The following APBA1 variants were observed in gnomAD, a reference collection of about 807,000 sequenced individuals.
The protein encoded by APBA1 is amyloid beta precursor protein binding family A member 1, also known as amyloid-beta A4 precursor protein-binding family A member 1.
A neutral mutation model predicts 86.6 loss-of-function variants in APBA1; 55 were observed. The ratio of observed to expected loss-of-function variants is 0.64; its 90% CI spans 0.51 to 0.80. The LOEUF (loss-of-function observed/expected upper bound fraction) is 0.80. Ranked by LOEUF, APBA1 falls within the 30% of genes least tolerant of loss-of-function variation. The probability of loss-of-function intolerance (pLI) is 0.00; values close to 1 mark genes in which losing one functional copy is unlikely to be tolerated. For missense variants in APBA1, 1,090 were observed against 1,183.0 expected (o/e 0.92, Z 1.15); for synonymous variants, 511 against 493.9 (o/e 1.03, Z -0.46).
chr9:69,477,108 G>A lies in APBA1; in HGVS notation c.1201-965C>T, dbSNP rs559324620. 4.6e-5 allele frequency among the ~76,000 whole-genome samples: 7 copies of A among 152,308 alleles called. 1 individual carries two copies. The East Asian group carries it at 1.4e-3, about 30-fold the overall frequency. On this transcript the variant is annotated intron_variant, in intron 2 of 12. Transcript: ENST00000265381. ...GATGCTTAAGAATTCCACAGCAGGG[G>A]GCGGCGGAGCCAAGATGGCCGAATA...
chr9:69,589,465 T>C (rs1176209940), intron 1 of APBA1, among the ~76,000 whole-genome samples: 1 of 152,158 alleles, frequency 6.6e-6, no homozygotes, highest in African/African-American at 2.4e-5. Context: ...CCTTCCTCTC[T>C]CACAACCACT....
chr9:69,512,715 A>G (rs906128968), intron 2 of APBA1, among the ~76,000 whole-genome samples: 1 of 152,208 alleles, frequency 6.6e-6, no homozygotes, highest in Non-Finnish European at 1.5e-5. Flanking sequence ...AATCTTTCAC[A>G]TGCTTACGAA....
intron 2 of APBA1, among the ~76,000 whole-genome samples, chr9:69,498,159 C>G (rs565976846): frequency 6.6e-6 from 1 of 152,176 alleles, no homozygotes; most frequent in African/African-American, 2.4e-5. Flanking sequence ...TTACAAAAAA[C>G]CATGACTTCC....
At position 69,428,850 on chromosome 9, in the gene APBA1, A is replaced by C. The variant is rs1003165191; in HGVS notation, c.*2477T>G. On this transcript the variant is annotated 3_prime_UTR_variant, in exon 13 of 13. Transcript: ENST00000265381. ...TACCGAGCTCCAGCAACTTCCACTC[A>C]CTGGGTGTGAAGACACACCTGGATT... is the stretch of plus-strand genomic sequence containing the variant. 17 of 152,202 alleles carry C rather than the reference A, an allele frequency of 1.1e-4. No individual in the cohort carries two copies. The highest frequency in any genetic ancestry group is 2.2e-4 in the Non-Finnish European group (15 of 68,032). 9.4% of individuals were successfully genotyped at this position (152,202 alleles called of 1,614,324 possible).
At chr9:69,668,298 C>T (rs535522456) in intron 1 of APBA1, among the ~76,000 whole-genome samples, 61 of 152,266 alleles carry the variant, frequency 4.0e-4, no homozygotes, top group African/African-American at 1.5e-3. Flanking sequence ...GTTATATCTT[C>T]TTTCTGAAAA....
chr9:69,531,212 AC>A (rs1836428328), intron 1 of APBA1, among the ~76,000 whole-genome samples: 1 of 152,176 alleles, frequency 6.6e-6, no homozygotes, highest in African/African-American at 2.4e-5. Flanking sequence ...GCTAGTGGCT[AC>A]CATGACAGAC....
intron 5 of APBA1, 89 bp downstream of exon 5, chr9:69,467,734 A>G (rs1441295721): frequency 5.2e-6 from 8 of 1,526,520 alleles, no homozygotes; most frequent in Non-Finnish European, 6.3e-6. Context: ...TCTCCTCTAA[A>G]CTATATGTGG....
chr9:69,473,747 T>C (rs1835400426), intron 3 of APBA1, among the ~76,000 whole-genome samples: 1 of 152,160 alleles, frequency 6.6e-6, no homozygotes, highest in African/African-American at 2.4e-5. Flanking sequence ...AAGTTTACCA[T>C]CTTTAAAAAA....
intron 2 of APBA1, among the ~76,000 whole-genome samples, chr9:69,486,945 T>C (rs998629123): frequency 6.6e-6 from 1 of 151,916 alleles, no homozygotes; most frequent in Admixed American, 6.6e-5. Flanking sequence ...TTCAGAACTA[T>C]TTCCTGAGTT....
At chr9:69,596,642 C>G (rs1822235759) in intron 1 of APBA1, among the ~76,000 whole-genome samples, 1 of 152,196 alleles carries the variant, frequency 6.6e-6, no homozygotes, top group African/African-American at 2.4e-5. Flanking sequence ...GACACCCCCT[C>G]TCCTCCACAG....
intron 1 of APBA1, among the ~76,000 whole-genome samples, chr9:69,654,459 T>C (rs989211061): frequency 9.9e-5 from 15 of 151,938 alleles, no homozygotes; most frequent in African/African-American, 3.4e-4. Flanking sequence ...CCAGCCTTGG[T>C]GACAGAGCAA....
chr9:69,534,188 AG>A (rs1176356169), intron 1 of APBA1, among the ~76,000 whole-genome samples: 8 of 152,304 alleles, frequency 5.3e-5, no homozygotes, highest in African/African-American at 1.9e-4. Flanking sequence ...TTCTGAGGAG[AG>A]GGCAAGGAGG....
intron 5 of APBA1, among the ~76,000 whole-genome samples, chr9:69,466,230 T>C (rs139310986): frequency 3.9e-5 from 6 of 152,130 alleles, no homozygotes; most frequent in Non-Finnish European, 8.8e-5. Flanking sequence ...GAGGAAGCCA[T>C]GAGAGGGACG....
At chr9:69,568,237 T>A (rs557440822) in intron 1 of APBA1, among the ~76,000 whole-genome samples, 2 of 152,022 alleles carry the variant, frequency 1.3e-5, no homozygotes, top group Non-Finnish European at 2.9e-5. Context: ...CTAACCAGAG[T>A]TGGCCTGTGA....
chr9:69,457,554 T>C (rs944743895), intron 6 of APBA1, among the ~76,000 whole-genome samples: 1 of 152,092 alleles, frequency 6.6e-6, no homozygotes, highest in Non-Finnish European at 1.5e-5. Context: ...AGACAATGTT[T>C]ATAGCAGCTG....
intron 2 of APBA1, among the ~76,000 whole-genome samples, chr9:69,506,112 G>A (rs184871581): frequency 1.2e-4 from 18 of 151,946 alleles, no homozygotes; most frequent in African/African-American, 3.6e-4. Context: ...CAGCGAGAGC[G>A]ACACAGAAGA....
At chr9:69,541,547 A>ATTTTTTTTTTTTTTTTTTTTTTT (rs11461593) in intron 1 of APBA1, among the ~76,000 whole-genome samples, 1 of 142,102 alleles carries the variant, frequency 7.0e-6, no homozygotes. Flanking sequence ...TCTTTTTTGC[A>ATTTTTTTTTTTTTTTTTTTTTTT]TTTTTTTTTT....
intron 1 of APBA1, among the ~76,000 whole-genome samples, chr9:69,577,537 G>A (rs1471938515): frequency 6.6e-6 from 1 of 152,112 alleles, no homozygotes; most frequent in Admixed American, 6.5e-5. Flanking sequence ...AGACTGGAGG[G>A]TTTACAATTT....
intron 1 of APBA1, among the ~76,000 whole-genome samples, chr9:69,543,807 A>G (rs1183228287): frequency 6.6e-6 from 1 of 152,214 alleles, no homozygotes; most frequent in Non-Finnish European, 1.5e-5. Context: ...GAAGCCATGC[A>G]TCTCTCCAAT....
Sources: gnomAD v4.1 joint callset for allele counts (sites outside exome capture counted in the v4.1 genomes callset) on GRCh38, gnomAD v4.1.1 for gene constraint, MANE v1.5 for transcripts, NCBI Gene and HGNC (gene_info 2026-07-23, HGNC 2026-07-21) for gene names.